The following DCAF8L2 variants were observed in gnomAD, a reference collection of about 807,000 sequenced individuals.
DCAF8L2 encodes the protein DDB1- and CUL4-associated factor 8-like protein 2.
For synonymous variants in DCAF8L2, 200 were observed against 190.9 expected (o/e 1.05, Z -0.39); for missense variants, 430 against 490.7 (o/e 0.88, Z 1.17).
intron 4 of DCAF8L2, among the ~76,000 whole-genome samples, chrX:27,728,316 C>CTTGTTG (rs60828124): frequency 4.7e-4 from 52 of 109,780 alleles, no homozygotes; most frequent in African/African-American, 1.4e-3. Flanking sequence ...AATTCAATGT[C>CTTGTTG]TTGTTGTTGT....
intron 3 of DCAF8L2, among the ~76,000 whole-genome samples, chrX:27,707,778 G>T (rs1339920557): frequency 2.7e-5 from 3 of 111,030 alleles, no homozygotes; most frequent in East Asian, 5.7e-4. Context: ...GCACTAGGGG[G>T]TTATAATATC....
chrX:27,620,698 A>G (rs1307582007), intron 1 of DCAF8L2, among the ~76,000 whole-genome samples: 1 of 112,213 alleles, frequency 8.9e-6, no homozygotes. Flanking sequence ...CTGTGGAGAA[A>G]TTGTAACACT....
chrX:27,512,779 C>A, the DCAF8L2 span, among the ~76,000 whole-genome samples: 55 of 18,517 alleles, frequency 3.0e-3, 3 homozygotes, highest in East Asian at 0.031. Context: ...CAATCTTGAG[C>A]AAAAAAAAAA....
intron 4 of DCAF8L2, among the ~76,000 whole-genome samples, chrX:27,745,638 A>T (rs1011283785): frequency 8.9e-6 from 1 of 112,112 alleles, no homozygotes; most frequent in African/African-American, 3.2e-5. Flanking sequence ...GTATACTTCT[A>T]TTTTTAATCA....
At chrX:27,671,090 G>A (rs1424031162) in intron 2 of DCAF8L2, among the ~76,000 whole-genome samples, 1 of 111,645 alleles carries the variant, frequency 9.0e-6, no homozygotes, top group East Asian at 2.8e-4. Flanking sequence ...ATTACCCAAT[G>A]TGGGTTATGT....
chrX:27,575,835 A>C, the DCAF8L2 span, among the ~76,000 whole-genome samples: 48,004 of 110,912 alleles, frequency 0.43, 8,714 homozygotes, highest in South Asian at 0.69. Context: ...ATTTATCTGA[A>C]CTAGGTTGGT....
At chrX:27,669,012 A>G (rs1320948027) in intron 2 of DCAF8L2, among the ~76,000 whole-genome samples, 1 of 110,997 alleles carries the variant, frequency 9.0e-6, no homozygotes, top group Non-Finnish European at 1.9e-5. Flanking sequence ...AAGAGTGAAG[A>G]GCTCACTGGA....
At chrX:27,574,647 A>G in the DCAF8L2 span, among the ~76,000 whole-genome samples, 1 of 112,223 alleles carries the variant, frequency 8.9e-6, no homozygotes, top group African/African-American at 3.2e-5. Context: ...GAAAACTTCT[A>G]TAGTCCACTG....
At chrX:27,660,888 T>C (rs1929536304) in intron 2 of DCAF8L2, among the ~76,000 whole-genome samples, 1 of 112,170 alleles carries the variant, frequency 8.9e-6, no homozygotes, top group South Asian at 3.7e-4. Context: ...GTTCAGATGC[T>C]GGGGAGACAG....
At chrX:27,564,070 AAT>A in the DCAF8L2 span, among the ~76,000 whole-genome samples, 1 of 111,836 alleles carries the variant, frequency 8.9e-6, no homozygotes, top group Non-Finnish European at 1.9e-5. Context: ...GAGACTGGGT[AAT>A]TTATAAAGGA....
intron 2 of DCAF8L2, among the ~76,000 whole-genome samples, chrX:27,669,137 A>C (rs112387368): frequency 0.031 from 3,469 of 111,557 alleles, 142 homozygotes; most frequent in African/African-American, 0.11. Context: ...CCTATCTTTT[A>C]AAATAATAAT....
intron 4 of DCAF8L2, among the ~76,000 whole-genome samples, chrX:27,728,706 T>C (rs768064663): frequency 8.9e-6 from 1 of 112,130 alleles, no homozygotes; most frequent in Admixed American, 9.5e-5. Context: ...TATAGATACA[T>C]AGGTATATCT....
At chrX:27,730,723 GAA>G (rs11324384) in intron 4 of DCAF8L2, among the ~76,000 whole-genome samples, 2,479 of 98,452 alleles carry the variant, frequency 0.025, 75 homozygotes, top group African/African-American at 0.084. Context: ...TTTTATTTTT[GAA>G]AAAAAAAAAA....
At chrX:27,530,546 C>T in the DCAF8L2 span, among the ~76,000 whole-genome samples, 4 of 111,085 alleles carry the variant, frequency 3.6e-5, no homozygotes, top group Non-Finnish European at 7.5e-5. Flanking sequence ...GATTACTGAT[C>T]TTCAGCCAGA....
the DCAF8L2 span, among the ~76,000 whole-genome samples, chrX:27,511,764 T>C: frequency 1.8e-5 from 2 of 112,058 alleles, no homozygotes; most frequent in Admixed American, 9.5e-5. Context: ...AATAGGCAAC[T>C]TATGTAGATA....
chrX:27,684,646 A>G (rs1026433230), intron 3 of DCAF8L2, among the ~76,000 whole-genome samples: 2 of 111,899 alleles, frequency 1.8e-5, no homozygotes, highest in Admixed American at 9.5e-5. Flanking sequence ...ACCATGTATC[A>G]TGAATGTATG....
chrX:27,511,360 AATTTTT>A, the DCAF8L2 span, among the ~76,000 whole-genome samples: 1 of 111,048 alleles, frequency 9.0e-6, no homozygotes, highest in African/African-American at 3.3e-5. Context: ...CACAGATTGA[AATTTTT>A]CATGTGTACA....
intron 2 of DCAF8L2, among the ~76,000 whole-genome samples, chrX:27,647,139 G>C (rs768517228): frequency 5.4e-5 from 6 of 111,792 alleles, no homozygotes; most frequent in African/African-American, 1.9e-4. Context: ...ATTCACAATA[G>C]CAAACACATG....
intron 4 of DCAF8L2, among the ~76,000 whole-genome samples, chrX:27,737,306 T>TATG (rs779790952): frequency 1.8e-5 from 2 of 111,309 alleles, no homozygotes; most frequent in Non-Finnish European, 3.8e-5. Context: ...TTACACTTAC[T>TATG]CTGTGTTCCA....
Sources: gnomAD v4.1 joint callset for allele counts (sites outside exome capture counted in the v4.1 genomes callset) on GRCh38, gnomAD v4.1.1 for gene constraint, MANE v1.5 for transcripts, NCBI Gene and HGNC (gene_info 2026-07-23, HGNC 2026-07-21) for gene names.